The following CCDC91 variants were observed in gnomAD, a reference collection of about 807,000 sequenced individuals.
CCDC91 encodes coiled-coil domain-containing protein 91.
Under a neutral mutation model 63.2 loss-of-function variants are expected in CCDC91, and 48 were observed. The observed-to-expected ratio is 0.76, with a 90% CI of 0.60 to 0.97. The LOEUF is 0.97. CCDC91 is among the 50% of genes least tolerant of loss of function. The probability of loss-of-function intolerance (pLI) is 0.00; values close to 1 mark genes in which losing one functional copy is unlikely to be tolerated. For synonymous variants in CCDC91, 167 were observed against 165.8 expected, an observed-to-expected ratio of 1.01 and a Z score of -0.06; for missense variants, 500 against 494.6, an observed-to-expected ratio of 1.01 and a Z score of -0.10.
At chr12:28,392,462 A>G (rs1351333442) in intron 8 of CCDC91, among the ~76,000 whole-genome samples, 2 of 152,148 alleles carry the variant, frequency 1.3e-5, no homozygotes, top group African/African-American at 4.8e-5. Context: ...ACCTGATACA[A>G]TTTCGAAGTG....
At chr12:28,526,562 A>T (rs547089157) in intron 12 of CCDC91, among the ~76,000 whole-genome samples, 2 of 152,266 alleles carry the variant, frequency 1.3e-5, no homozygotes, top group East Asian at 3.9e-4. Context: ...AACTTTAGAT[A>T]ACCTGTTGAC....
intron 6 of CCDC91, among the ~76,000 whole-genome samples, chr12:28,352,613 A>G (rs1943257179): frequency 6.6e-6 from 1 of 152,220 alleles, no homozygotes; most frequent in African/African-American, 2.4e-5. Context: ...GTTCAGTCAC[A>G]TCTTTTACTT....
intron 12 of CCDC91, among the ~76,000 whole-genome samples, chr12:28,548,435 A>C (rs923150720): frequency 2.0e-5 from 3 of 151,982 alleles, no homozygotes; most frequent in African/African-American, 7.2e-5. Flanking sequence ...ATGCGCAGCT[A>C]ATTTTTTATA....
chr12:28,348,805 C>CCT (rs1302526471), intron 6 of CCDC91, among the ~76,000 whole-genome samples: 1 of 152,104 alleles, frequency 6.6e-6, no homozygotes, highest in Non-Finnish European at 1.5e-5. Context: ...CTCACTGCAA[C>CCT]CTCTGCCTCC....
intron 7 of CCDC91, among the ~76,000 whole-genome samples, chr12:28,381,567 T>C (rs562873938): frequency 1.3e-5 from 2 of 152,156 alleles, no homozygotes; most frequent in African/African-American, 2.4e-5. Flanking sequence ...TTCGGTAATT[T>C]GACTGTCAAA....
intron 11 of CCDC91, among the ~76,000 whole-genome samples, chr12:28,469,166 T>C (rs11494781): frequency 0.21 from 31,690 of 151,998 alleles, 4,331 homozygotes; most frequent in Non-Finnish European, 0.31. Context: ...TTTTTGCAGA[T>C]GATTTTATAT....
intron 8 of CCDC91, among the ~76,000 whole-genome samples, chr12:28,423,483 G>T (rs1171603482): frequency 6.6e-6 from 1 of 152,120 alleles, no homozygotes; most frequent in East Asian, 1.9e-4. Context: ...TAGGACTATG[G>T]TAGAATGTCA....
chr12:28,394,257 A>G (rs142690907), intron 8 of CCDC91, among the ~76,000 whole-genome samples: 3,395 of 152,224 alleles, frequency 0.022, 48 homozygotes, highest in Non-Finnish European at 0.034. Context: ...ACAAGGTCAG[A>G]AGATTGAGAC....
chr12:28,394,785 G>A (rs1946189419), intron 8 of CCDC91, among the ~76,000 whole-genome samples: 3 of 148,076 alleles, frequency 2.0e-5, no homozygotes, highest in South Asian at 4.3e-4. Context: ...ATAATTAGAA[G>A]CCTGCACTCT....
intron 3 of CCDC91, among the ~76,000 whole-genome samples, chr12:28,275,826 T>G (rs570707918): frequency 1.3e-5 from 2 of 152,026 alleles, no homozygotes; most frequent in East Asian, 3.9e-4. Flanking sequence ...CATATGCAAA[T>G]CAATAAACGT....
chr12:28,520,784 A>C (rs960885200), intron 12 of CCDC91, among the ~76,000 whole-genome samples: 7 of 152,132 alleles, frequency 4.6e-5, no homozygotes, highest in Non-Finnish European at 8.8e-5. Flanking sequence ...TCAGCTTTCT[A>C]CATATGGCTA....
intron 1 of CCDC91, among the ~76,000 whole-genome samples, chr12:28,231,135 T>TTACATTACATTACA (rs1407627630): frequency 6.6e-6 from 1 of 152,198 alleles, no homozygotes; most frequent in African/African-American, 2.4e-5. Context: ...TTTCTAATGA[T>TTACATTACATTACA]ACTTTTCTAT....
At chr12:28,210,446 A>T (rs1368195725) in intron 1 of CCDC91, among the ~76,000 whole-genome samples, 1 of 152,168 alleles carries the variant, frequency 6.6e-6, no homozygotes, top group East Asian at 1.9e-4. Context: ...AACTGCACAG[A>T]CAGAAGATTA....
At position 28,394,130 on chromosome 12, in the gene CCDC91, GGA is replaced by G. The variant is rs1946120560; in HGVS notation, c.762+2720_762+2721del. 2.6e-5 allele frequency among the ~76,000 whole-genome samples: 4 copies of G among 152,266 alleles called. No homozygotes were observed. In the South Asian group the frequency reaches 8.3e-4, roughly 32 times the overall value. On this transcript the variant is annotated intron_variant, in intron 8 of 12. Coordinates refer to ENST00000536442, the MANE Select transcript of CCDC91 (RefSeq NM_018318.5). ...TGAAGAACACCCCAGGACGTTTATA[GGA>G]TTATAAGCGGTTCAGTATGATGCTT...
chr12:28,470,668 A>G (rs1322323264), intron 11 of CCDC91, among the ~76,000 whole-genome samples: 4 of 152,220 alleles, frequency 2.6e-5, no homozygotes, highest in Non-Finnish European at 5.9e-5. Context: ...ACAATAGCCA[A>G]GATTTGGAAG....
chr12:28,491,962 G>GGTGT (rs56946212), intron 12 of CCDC91, among the ~76,000 whole-genome samples: 2,444 of 146,852 alleles, frequency 0.017, 23 homozygotes, highest in South Asian at 0.03. Flanking sequence ...AAGGTGTTGG[G>GGTGT]GTGTGTGTGT....
At chr12:28,200,885 C>T (rs4026418) in intron 1 of CCDC91, among the ~76,000 whole-genome samples, 8 of 150,736 alleles carry the variant, frequency 5.3e-5, no homozygotes, top group East Asian at 2.0e-4. Flanking sequence ...CCAGACAGGG[C>T]GGCTGGCCGG....
chr12:28,455,345 A>G (rs1337673952), intron 11 of CCDC91, among the ~76,000 whole-genome samples: 1 of 152,132 alleles, frequency 6.6e-6, no homozygotes, highest in Non-Finnish European at 1.5e-5. Flanking sequence ...AGCTTAATTA[A>G]TTACCCTAAA....
chr12:28,478,665 G>A (rs959594610), intron 11 of CCDC91, among the ~76,000 whole-genome samples: 3 of 152,140 alleles, frequency 2.0e-5, no homozygotes, highest in African/African-American at 4.8e-5. Context: ...TACCATCAGA[G>A]TGAACAGGCA....
Sources: gnomAD v4.1 joint callset for allele counts (sites outside exome capture counted in the v4.1 genomes callset) on GRCh38, gnomAD v4.1.1 for gene constraint, MANE v1.5 for transcripts, NCBI Gene and HGNC (gene_info 2026-07-23, HGNC 2026-07-21) for gene names.